Variants in KIF14 observed in about 807,000 individuals in gnomAD.
KIF14 encodes kinesin family member 14, also known as kinesin-like protein KIF14.
Under a neutral mutation model 176.2 loss-of-function variants are expected in KIF14, and 98 were observed. The ratio of observed to expected loss-of-function variants is 0.56; its 90% CI spans 0.47 to 0.66. KIF14 has a LOEUF of 0.66. KIF14 is among the 30% of genes least tolerant of loss of function. The probability of loss-of-function intolerance (pLI) is 0.00; values close to 1 mark genes in which losing one functional copy is unlikely to be tolerated. For missense variants in KIF14, 1,751 were observed against 1,920.4 expected, an observed-to-expected ratio of 0.91 and a Z score of 1.65; for synonymous variants, 566 against 632.2, an observed-to-expected ratio of 0.90 and a Z score of 1.57.
At chr1:200,596,888 CTTTTTTTTTT>C (rs993346438) in intron 14 of KIF14, among the ~76,000 whole-genome samples, 2 of 99,212 alleles carry the variant, frequency 2.0e-5, no homozygotes, top group Non-Finnish European at 3.8e-5. Context: ...CTCTCTCTCT[CTTTTTTTTTT>C]TTTTTTTTTT....
At chr1:200,559,295 T>C (rs1656998634) in intron 27 of KIF14, 35 bp downstream of exon 27, 1 of 1,341,870 alleles carries the variant, frequency 7.5e-7, no homozygotes, top group East Asian at 2.6e-5. Context: ...ATATATTATT[T>C]AGTACTGTAC....
In KIF14 at chr1:200,569,983, T is replaced by C. The variant is rs142457309; in HGVS notation, c.3589A>G (p.Arg1197Gly). The change falls in exon 23 of 30, where the codon AGA (arginine) becomes GGA (glycine). Residue 1197 changes from arginine to glycine, a missense_variant. Transcript: ENST00000367350. ...TCATGTAAACAACCAGAAATTCTTCTGTTCTTCATCAAACTCCTACTCCTG... is the reference window on the plus strand; with the variant it reads ...TCATGTAAACAACCAGAAATTCTTCCGTTCTTCATCAAACTCCTACTCCTG... ...RRRSRSLMKNRRISGCLHDIQ... is the reference protein window; with the variant it reads ...RRRSRSLMKNGRISGCLHDIQ... 9.1e-4 allele frequency: 1,455 copies of C among 1,601,474 alleles called. 5 individuals are homozygous for C. Among genetic ancestry groups the C allele is most frequent in the Non-Finnish European group, 9.5e-4 (1,111 of 1,170,916 alleles).
intron 16 of KIF14, among the ~76,000 whole-genome samples, chr1:200,591,428 G>A (rs1659045418): frequency 6.6e-6 from 1 of 152,170 alleles, no homozygotes; most frequent in African/African-American, 2.4e-5. Flanking sequence ...CTCTAAAAAT[G>A]TAATTCTGAT....
At chr1:200,570,257 A>G (rs1657703417) in intron 22 of KIF14, among the ~76,000 whole-genome samples, 1 of 152,248 alleles carries the variant, frequency 6.6e-6, no homozygotes, top group African/African-American at 2.4e-5. Context: ...ATATTGTGGT[A>G]AAATGTGGCA....
chr1:200,580,226 TTA>T, intron 21 of KIF14, 26 bp downstream of exon 21: 2 of 1,205,862 alleles, frequency 1.7e-6, no homozygotes, highest in African/African-American at 1.6e-5. Flanking sequence ...TTTAAAAAAT[TTA>T]TAGAGATTTT....
In KIF14 at chr1:200,589,322, C is replaced by T. The variant is rs1046446857; in HGVS notation, c.3009G>A (p.Lys1003=). 3 of 1,610,392 alleles carry T rather than the reference C, an allele frequency of 1.9e-6. No homozygotes were observed. The African/African-American group carries it at 4.0e-5, about 22-fold the overall frequency. ...RKKMQEINNQ[K]ANHKIEELEK... ...CTAATTCCTCAATTTTGTGATTAGC[C>T]TTCTGGTTATTTATTTCCTGCATTT... Residue 1003 remains lysine, a synonymous_variant, in exon 18 of 30, where the codon AAG becomes AAA. Transcript: ENST00000367350.
At chr1:200,606,703 C>A in intron 6 of KIF14, 43 bp downstream of exon 6, 1 of 1,512,480 alleles carries the variant, frequency 6.6e-7, no homozygotes, top group Non-Finnish European at 9.2e-7. Flanking sequence ...TCACTCTATT[C>A]ATTTGTTTTA....
At chr1:200,605,504 A>G (rs965307969) in intron 7 of KIF14, 114 bp from the exon 8 acceptor site, 1 of 616,188 alleles carries the variant, frequency 1.6e-6, no homozygotes, top group Non-Finnish European at 2.7e-6. Context: ...CTGTAACTCA[A>G]TGATATAAAA....
At position 200,555,384 on chromosome 1, in the gene KIF14, T is replaced by C; in HGVS notation, c.4424A>G (p.Lys1475Arg). ...TCAATTTAAAGCTTCTCTTACAATT[T>C]TCGATTCAGCAAAGATGTTTTCAAG... Reference protein sequence around the residue: ...RSLENIFAESKIKSFRRQVQE... With the variant: ...RSLENIFAESRIKSFRRQVQE... Residue 1475 changes from lysine (K) to arginine (R), a missense_variant, in exon 28 of 30, where the codon AAA becomes AGA. Lys to Arg is a conservative substitution (Grantham distance 26, BLOSUM62 2). Coordinates refer to ENST00000367350, the MANE Select transcript of KIF14 (RefSeq NM_014875.3). The C allele has an allele frequency of 1.3e-6, 2 of 1,559,942 alleles. 1 individual carries two copies. The highest frequency in any genetic ancestry group is 2.8e-5 in the African/African-American group (2 of 72,412).
chr1:200,555,423 C>A lies in KIF14; in HGVS notation c.4385G>T (p.Gly1462Val), dbSNP rs759119778. ...GATGTTTTCAAGAGATCTAATCAATCCCATGGCATTAGTTTTCATTTCTTT... is the reference window on the plus strand; with the variant it reads ...GATGTTTTCAAGAGATCTAATCAATACCATGGCATTAGTTTTCATTTCTTT... ...VTKEMKTNAMGLIRSLENIFA... is the reference protein window; with the variant it reads ...VTKEMKTNAMVLIRSLENIFA... Residue 1462 changes from glycine to valine, a missense_variant, in exon 28 of 30, where the codon GGA becomes GTA. By Grantham distance (109) the Gly-to-Val change is moderately radical (BLOSUM62 -3). Transcript: ENST00000367350. 7 of 1,577,850 alleles carry A rather than the reference C, an allele frequency of 4.4e-6. No individual in the cohort carries two copies. Among genetic ancestry groups the A allele is most frequent in the Non-Finnish European group, 6.0e-6 (7 of 1,160,340 alleles).
At chr1:200,610,509 C>CAAAAAAAA (rs35647787) in intron 4 of KIF14, among the ~76,000 whole-genome samples, 1 of 107,878 alleles carries the variant, frequency 9.3e-6, no homozygotes, top group Non-Finnish European at 1.9e-5. Context: ...GACTTCCTCT[C>CAAAAAAAA]AAAAAAAAAA....
intron 6 of KIF14, 72 bp from the exon 7 acceptor site, chr1:200,605,966 C>T (rs1659861246): frequency 1.1e-5 from 9 of 800,050 alleles, no homozygotes; most frequent in South Asian, 2.0e-5. Context: ...AAAACAATAA[C>T]ATTTCAATTA....
At chr1:200,585,214 G>A (rs1658668871) in intron 19 of KIF14, among the ~76,000 whole-genome samples, 1 of 148,420 alleles carries the variant, frequency 6.7e-6, no homozygotes, top group Non-Finnish European at 1.5e-5. Flanking sequence ...TGAAATAAGA[G>A]AGTATATCCT....
chr1:200,619,701 G>T (rs944109361), intron 1 of KIF14, among the ~76,000 whole-genome samples: 21 of 152,298 alleles, frequency 1.4e-4, no homozygotes, highest in African/African-American at 5.1e-4. Flanking sequence ...ATTGATTGGT[G>T]TCACGAGGCA....
chr1:200,560,549 G>C (rs1310088800), intron 26 of KIF14, among the ~76,000 whole-genome samples, 173 bp downstream of exon 26: 14 of 152,198 alleles, frequency 9.2e-5, no homozygotes. Context: ...TGGGATTACA[G>C]GCATAAGCCA....
At chr1:200,607,881 A>G (rs1177947911) in intron 5 of KIF14, among the ~76,000 whole-genome samples, 1 of 151,988 alleles carries the variant, frequency 6.6e-6, no homozygotes, top group East Asian at 1.9e-4. Context: ...TTGTATTTTT[A>G]GTAGAGACAG....
At chr1:200,560,915 A>T (rs1232684298) in intron 25 of KIF14, 35 bp from the exon 26 acceptor site, 1 of 1,583,180 alleles carries the variant, frequency 6.3e-7, no homozygotes, top group East Asian at 2.2e-5. Context: ...TATCAGATAC[A>T]TGAGATTATA....
intron 25 of KIF14, among the ~76,000 whole-genome samples, chr1:200,562,247 T>A (rs1161618961): frequency 6.6e-6 from 1 of 152,234 alleles, no homozygotes; most frequent in South Asian, 2.1e-4. Context: ...CATCCTTGAT[T>A]CCTTGTATAA....
intron 8 of KIF14, among the ~76,000 whole-genome samples, chr1:200,605,068 G>A (rs1168971633): frequency 6.6e-6 from 1 of 152,098 alleles, no homozygotes; most frequent in African/African-American, 2.4e-5. Flanking sequence ...ATATTTATAT[G>A]ACTGTACTTT....
Sources: allele counts gnomAD v4.1 joint callset (sites outside exome capture counted in the v4.1 genomes callset), GRCh38; gene constraint gnomAD v4.1.1; transcripts MANE v1.5; gene names NCBI Gene and HGNC (gene_info 2026-07-23, HGNC 2026-07-21).